The following SLC22A24 variants were observed in gnomAD, a reference collection of about 807,000 sequenced individuals.
SLC22A24 encodes the protein solute carrier family 22 member 24, also known as steroid transmembrane transporter SLC22A24.
Under a neutral mutation model 49.8 loss-of-function variants are expected in SLC22A24, and 53 were observed. That is an observed-to-expected ratio of 1.06 (90% confidence interval 0.85 to 1.34). The LOEUF is 1.34. Among genes scored for constraint, SLC22A24 ranks in the 40% most tolerant of loss-of-function variants. SLC22A24 has a pLI of 0.00. For synonymous variants in SLC22A24, 302 were observed against 256.4 expected (o/e 1.18, Z -1.70); for missense variants, 786 against 675.9 (o/e 1.16, Z -1.81).
intron 4 of SLC22A24, among the ~76,000 whole-genome samples, chr11:63,108,078 A>T (rs1284643430): frequency 6.6e-6 from 1 of 152,106 alleles, no homozygotes; most frequent in Non-Finnish European, 1.5e-5. Flanking sequence ...GTTTGTTATA[A>T]ATAACTCTTA....
intron 7 of SLC22A24, among the ~76,000 whole-genome samples, chr11:63,082,377 G>A (rs1036213455): frequency 3.3e-5 from 5 of 152,110 alleles, no homozygotes; most frequent in Non-Finnish European, 7.4e-5. Context: ...TATCAAAATA[G>A]GATTTTAAAA....
chr11:63,120,086 A>C (rs538095291), intron 2 of SLC22A24, among the ~76,000 whole-genome samples: 50 of 150,560 alleles, frequency 3.3e-4, no homozygotes, highest in Non-Finnish European at 4.3e-4. Flanking sequence ...GTTCACTCTG[A>C]CGGTAGTTTC....
At chr11:63,137,666 T>G (rs2087384983) in intron 1 of SLC22A24, among the ~76,000 whole-genome samples, 1 of 152,232 alleles carries the variant, frequency 6.6e-6, no homozygotes, top group African/African-American at 2.4e-5. Context: ...TGGAAAATGT[T>G]AATTCAGTTA....
At chr11:63,141,555 C>A (rs2087415986) in intron 1 of SLC22A24, among the ~76,000 whole-genome samples, 1 of 152,206 alleles carries the variant, frequency 6.6e-6, no homozygotes, top group Admixed American at 6.5e-5. Flanking sequence ...CTTGTCCAGA[C>A]AGAGTCCCTG....
At chr11:63,138,847 C>T (rs2087394676) in intron 1 of SLC22A24, among the ~76,000 whole-genome samples, 1 of 151,906 alleles carries the variant, frequency 6.6e-6, no homozygotes, top group Non-Finnish European at 1.5e-5. Flanking sequence ...GGTTTTTTCC[C>T]CCCCATGGAT....
At chr11:63,104,990 A>G (rs1259020902) in intron 4 of SLC22A24, among the ~76,000 whole-genome samples, 1 of 152,236 alleles carries the variant, frequency 6.6e-6, no homozygotes, top group Non-Finnish European at 1.5e-5. Context: ...CCTAGATACA[A>G]TGGGGGTATA....
intron 2 of SLC22A24, among the ~76,000 whole-genome samples, chr11:63,120,076 G>C (rs1414376479): frequency 6.6e-6 from 1 of 151,138 alleles, no homozygotes; most frequent in African/African-American, 2.4e-5. Context: ...TAGGTTGCCT[G>C]TTCACTCTGA....
intron 4 of SLC22A24, among the ~76,000 whole-genome samples, chr11:63,112,207 CTGAGAGATAGTT>C (rs1467011467): frequency 6.6e-6 from 1 of 152,112 alleles, no homozygotes; most frequent in African/African-American, 2.4e-5. Flanking sequence ...GCACTGTGGT[CTGAGAGATAGTT>C]TGTTATAATT....
chr11:63,100,359 A>G (rs1279014866), intron 5 of SLC22A24, among the ~76,000 whole-genome samples: 2 of 152,142 alleles, frequency 1.3e-5, no homozygotes, highest in Admixed American at 6.6e-5. Flanking sequence ...ATTTTTAATC[A>G]AAGAAGTGAA....
chr11:63,137,938 A>G (rs958845795), intron 1 of SLC22A24: 1 of 152,322 alleles, frequency 6.6e-6, no homozygotes, highest in East Asian at 1.9e-4. Flanking sequence ...GTCTTGGTAA[A>G]TAGTAAACTA....
intron 2 of SLC22A24, among the ~76,000 whole-genome samples, chr11:63,123,861 G>T (rs2087269642): frequency 6.6e-6 from 1 of 152,052 alleles, no homozygotes; most frequent in African/African-American, 2.4e-5. Context: ...CTTTCCTCTG[G>T]ACTATTTCAA....
chr11:63,083,308 A>T lies in SLC22A24; in HGVS notation c.1220T>A (p.Ile407Lys), dbSNP rs1289424244. ...CGGGAACGTGAACAATATCTGGCTT[A>T]TTCGACGACCCATATGATTCAGTGT... ...LLTLNHMGRR[I>K]SQILFTFPVG... Residue 407 changes from isoleucine (I) to lysine (K), a missense_variant, in exon 7 of 10, where the codon ATA becomes AAA. By Grantham distance (102) the Ile-to-Lys change is moderately radical. Coordinates refer to ENST00000612278, the MANE Select transcript of SLC22A24 (RefSeq NM_001136506.2). 6.4e-7 allele frequency: 1 copy of T among 1,560,858 alleles called. No individual in the cohort carries two copies. The highest frequency in any genetic ancestry group is 2.4e-5 in the East Asian group (1 of 42,062).
intron 2 of SLC22A24, among the ~76,000 whole-genome samples, chr11:63,127,311 TC>T (rs2087298667): frequency 6.6e-6 from 1 of 152,206 alleles, no homozygotes; most frequent in Non-Finnish European, 1.5e-5. Flanking sequence ...CATGAACTCA[TC>T]CTTTTTTATG....
At chr11:63,120,829 C>T (rs1442567593) in intron 2 of SLC22A24, among the ~76,000 whole-genome samples, 3 of 151,784 alleles carry the variant, frequency 2.0e-5, no homozygotes, top group Non-Finnish European at 4.4e-5. Flanking sequence ...TATTTTATTA[C>T]TAAATTTGTA....
intron 5 of SLC22A24, among the ~76,000 whole-genome samples, chr11:63,101,829 C>T (rs7130710): frequency 0.79 from 119,907 of 151,936 alleles, 47,621 homozygotes; most frequent in East Asian, 0.9. Context: ...TGAAATAAGC[C>T]GGACACAGAA....
chr11:63,085,537 T>C (rs1416279377), intron 6 of SLC22A24, among the ~76,000 whole-genome samples: 1 of 152,194 alleles, frequency 6.6e-6, no homozygotes. Flanking sequence ...GTCTGAGACA[T>C]GAAATCAATT....
intron 2 of SLC22A24, among the ~76,000 whole-genome samples, chr11:63,125,674 G>A (rs1411627147): frequency 6.6e-6 from 1 of 152,184 alleles, no homozygotes; most frequent in Admixed American, 6.5e-5. Context: ...TATATACCCA[G>A]TAGTAGGATT....
intron 6 of SLC22A24, among the ~76,000 whole-genome samples, chr11:63,089,656 G>A (rs1428022079): frequency 2.6e-5 from 4 of 150,958 alleles, no homozygotes; most frequent in Non-Finnish European, 4.5e-5. Flanking sequence ...CTCATCTAAT[G>A]TGCAAAGATA....
intron 2 of SLC22A24, among the ~76,000 whole-genome samples, chr11:63,124,758 G>C (rs889300931): frequency 6.6e-6 from 1 of 152,044 alleles, no homozygotes; most frequent in Non-Finnish European, 1.5e-5. Flanking sequence ...ATACACCATG[G>C]AATACTATGC....
Sources: gnomAD v4.1 joint callset for allele counts (sites outside exome capture counted in the v4.1 genomes callset) on GRCh38, gnomAD v4.1.1 for gene constraint, MANE v1.5 for transcripts, NCBI Gene and HGNC (gene_info 2026-07-23, HGNC 2026-07-21) for gene names.